Variants in NDE1 observed in about 807,000 individuals in gnomAD.
The protein encoded by NDE1 is nuclear distribution protein nudE homolog 1.
In NDE1, 28 loss-of-function variants were observed where a neutral mutation model predicts 43.4. The ratio of observed to expected loss-of-function variants is 0.65; its 90% CI spans 0.48 to 0.89. NDE1 has a LOEUF of 0.89. Among genes scored for constraint, NDE1 ranks in the 40% least tolerant of loss-of-function variants. The pLI is 0.00. For missense variants in NDE1, 441 were observed against 434.1 expected (o/e 1.02, Z -0.14); for synonymous variants, 184 against 172.0 (o/e 1.07, Z -0.55).
intron 4 of NDE1, among the ~76,000 whole-genome samples, chr16:15,681,254 T>C (rs1047123964): frequency 1.8e-5 from 1 of 55,868 alleles, no homozygotes. Context: ...AAACACTGCC[T>C]TTTTTTTTTT....
Position 15,643,695 on chromosome 16 carries a change from A to C in NDE1, c.-398A>C, listed in dbSNP as rs886051716. On this transcript the variant is annotated 5_prime_UTR_variant, in exon 1 of 10. Transcript: ENST00000396355. ...CCTAGTGGCAAGTGGAGAAAAAAAT[A>C]ACTGCCAACCTGGCTTCCTACGAGG... is the stretch of plus-strand genomic sequence containing the variant. The C allele has an allele frequency of 3.5e-5, 8 of 226,772 alleles. No homozygotes were observed. Among genetic ancestry groups the C allele is most frequent in the Non-Finnish European group, 7.0e-5 (8 of 114,124 alleles). 14.0% of individuals were successfully genotyped at this position (226,772 alleles called of 1,614,324 possible).
At chr16:15,682,944 G>A (rs1288071949) in intron 4 of NDE1, among the ~76,000 whole-genome samples, 2 of 151,868 alleles carry the variant, frequency 1.3e-5, no homozygotes, top group Non-Finnish European at 2.9e-5. Flanking sequence ...GACCTCAAGC[G>A]ATCCACCACC....
At chr16:15,706,126 C>T (rs1043624327) in intron 8 of NDE1, among the ~76,000 whole-genome samples, 9 of 152,104 alleles carry the variant, frequency 5.9e-5, no homozygotes, top group African/African-American at 1.7e-4. Flanking sequence ...TGGGACTTCC[C>T]GCAGTGCAGC....
In NDE1 at chr16:15,721,310, G is replaced by A. The variant is rs774281109; in HGVS notation, c.948-2881G>A. 59 of 1,273,658 alleles carry A rather than the reference G, an allele frequency of 4.6e-5. No individual in the cohort carries two copies. The Middle Eastern group carries it at 7.2e-4, about 15-fold the overall frequency. The allele number at this position is 1,273,658 out of a possible 1,614,324, so 78.9% of individuals were successfully genotyped here. ...AGTCCAAAAACCTCCTTCCATTTCC[G>A]ATGATAGTTCGCTATGAAAAAGGCC... On this transcript the variant is annotated intron_variant, in intron 8 of 8. Coordinates refer to ENST00000396354, the MANE Select transcript of NDE1 (RefSeq NM_017668.3).
chr16:15,721,439 C>T lies in NDE1; in HGVS notation c.948-2752C>T, dbSNP rs794728679. The T allele has an allele frequency of 6.2e-7, 1 of 1,614,196 alleles. No homozygotes were observed. The highest frequency in any genetic ancestry group is 8.5e-7 in the Non-Finnish European group (1 of 1,180,046). ...CCACTTACGTTCTTGCCCACGTCAT[C>T]CTTGGAGCTGACCAGGTCTTCCATT... On this transcript the variant is annotated intron_variant, in intron 8 of 8. Transcript: ENST00000396354.
chr16:15,655,225 C>T (rs1313520287), intron 1 of NDE1, among the ~76,000 whole-genome samples: 1 of 152,072 alleles, frequency 6.6e-6, no homozygotes, highest in African/African-American at 2.4e-5. Flanking sequence ...ACCATGTTGC[C>T]CAGGCTGGTC....
At chr16:15,717,039 C>A (rs914548575) in intron 8 of NDE1, 8 of 1,302,154 alleles carry the variant, frequency 6.1e-6, no homozygotes, top group South Asian at 2.4e-5. Context: ...TTGCTTCTTA[C>A]AAGCCAGAAC....
At position 15,694,166 on chromosome 16, in the gene NDE1, C is replaced by T; in HGVS notation, c.705C>T (p.Gly235=). Residue 235 remains glycine, a splice_region_variant and synonymous_variant, in exon 7 of 9, where the codon GGC becomes GGT. Coordinates refer to ENST00000396354, the MANE Select transcript of NDE1 (RefSeq NM_017668.3). ...SLNTPGSFRR[G]LDDSTGGTPL... ...ATGCTCTTCCCTTTGCACACCCAGG[C>T]CTGGACGACTCCACCGGGGGGACCC... 1 of 1,612,454 alleles carries T rather than the reference C, an allele frequency of 6.2e-7. No homozygotes were observed. The highest frequency in any genetic ancestry group is 1.7e-5 in the Admixed American group (1 of 60,002).
At chr16:15,662,980 G>A (rs550919318) in intron 1 of NDE1, among the ~76,000 whole-genome samples, 2 of 152,252 alleles carry the variant, frequency 1.3e-5, no homozygotes, top group African/African-American at 2.4e-5. Flanking sequence ...TTTTAAGCAG[G>A]AGAGCCCATC....
chr16:15,656,258 G>C (rs2036762461), intron 1 of NDE1, among the ~76,000 whole-genome samples: 1 of 152,128 alleles, frequency 6.6e-6, no homozygotes, highest in Admixed American at 6.5e-5. Context: ...AAGAGTTTTT[G>C]GTTGAAATGC....
chr16:15,674,346 C>T (rs376188320), intron 3 of NDE1, among the ~76,000 whole-genome samples: 4 of 152,054 alleles, frequency 2.6e-5, no homozygotes, highest in African/African-American at 4.8e-5. Flanking sequence ...TGGGTTCAAG[C>T]GATTCTCCTG....
chr16:15,680,284 T>C (rs2038108047), intron 4 of NDE1, among the ~76,000 whole-genome samples: 1 of 152,066 alleles, frequency 6.6e-6, no homozygotes. Context: ...AGATACTATA[T>C]TCAGAATGTG....
intron 1 of NDE1, among the ~76,000 whole-genome samples, chr16:15,653,106 G>A (rs2036584150): frequency 6.6e-6 from 1 of 152,082 alleles, no homozygotes; most frequent in Admixed American, 6.5e-5. Context: ...TTTCTATTCT[G>A]TGTACAGAGA....
intron 3 of NDE1, among the ~76,000 whole-genome samples, chr16:15,674,059 C>G (rs990258702): frequency 2.0e-5 from 3 of 152,112 alleles, no homozygotes; most frequent in African/African-American, 4.8e-5. Flanking sequence ...AGGAAGTGTA[C>G]TTAGCCTGGA....
rs142886425 is a variant in NDE1, at chr16:15,724,975, G to T, written c.*724G>T. 1 of 1,613,916 alleles carries T rather than the reference G, an allele frequency of 6.2e-7. No homozygotes were observed. Among genetic ancestry groups the T allele is most frequent in the African/African-American group, 1.3e-5 (1 of 74,914 alleles). ...CCTCGGCCTCGTTAAGCATCCCTGT[G>T]ACGCTCTCAACTTCATTCTAAGGGT... On this transcript the variant is annotated 3_prime_UTR_variant, in exon 9 of 9. Transcript: ENST00000396354.
Position 15,720,319 on chromosome 16 carries a change from G to A in NDE1, c.948-3872G>A, listed in dbSNP as rs375652279. ...CCGTCTCATACTCGTGAAGCTGGGC[G>A]AGGAATAGAGATGTGTGCTGCCCCA... On this transcript the variant is annotated intron_variant, in intron 8 of 8. Transcript: ENST00000396354. 2.4e-5 allele frequency: 39 copies of A among 1,612,780 alleles called. No individual in the cohort carries two copies. Among genetic ancestry groups the A allele is most frequent in the Middle Eastern group, 1.6e-4 (1 of 6,078 alleles).
At chr16:15,697,795 GT>G (rs563392527) in intron 8 of NDE1, among the ~76,000 whole-genome samples, 1,729 of 145,722 alleles carry the variant, frequency 0.012, 34 homozygotes, top group African/African-American at 0.04. Flanking sequence ...TTCCCCTGAA[GT>G]TTTTTTTTTT....
At chr16:15,718,492 T>C in intron 8 of NDE1, 1 of 1,535,290 alleles carries the variant, frequency 6.5e-7, no homozygotes, top group Non-Finnish European at 8.7e-7. Flanking sequence ...CCTTAAAAGA[T>C]GCCCCCTCCT....
chr16:15,719,537 T>C, intron 8 of NDE1: 5 of 1,612,328 alleles, frequency 3.1e-6, no homozygotes, highest in Non-Finnish European at 4.2e-6. Context: ...CAAGGGGTGC[T>C]ACCGTGACAC....
Sources: allele counts gnomAD v4.1 joint callset (sites outside exome capture counted in the v4.1 genomes callset), GRCh38; gene constraint gnomAD v4.1.1; transcripts MANE v1.5; gene names NCBI Gene and HGNC (gene_info 2026-07-23, HGNC 2026-07-21).